The following PAN3 variants were observed in gnomAD, a reference collection of about 807,000 sequenced individuals.
PAN3 encodes poly(A) specific ribonuclease subunit PAN3, also known as PAN2-PAN3 deadenylation complex subunit PAN3.
Under a neutral mutation model 96.2 loss-of-function variants are expected in PAN3, and 19 were observed. The observed-to-expected ratio is 0.20, with a 90% CI of 0.14 to 0.29. The LOEUF is 0.29. Among genes scored for constraint, PAN3 ranks in the 10% least tolerant of loss-of-function variants. PAN3 has a pLI of 1.00. For synonymous variants in PAN3, 433 were observed against 406.6 expected (o/e 1.06, Z -0.78); for missense variants, 882 against 1,108.1 (o/e 0.80, Z 2.90).
chr13:28,268,513 A>G (rs1189889154), intron 12 of PAN3, among the ~76,000 whole-genome samples: 1 of 152,168 alleles, frequency 6.6e-6, no homozygotes, highest in Non-Finnish European at 1.5e-5. Context: ...GATTTTGCAA[A>G]CAACCAGAAT....
chr13:28,211,333 C>G (rs1880006085), intron 5 of PAN3, among the ~76,000 whole-genome samples: 1 of 152,176 alleles, frequency 6.6e-6, no homozygotes. Flanking sequence ...TTGCTGTTGC[C>G]TAGTCACTCC....
chr13:28,234,570 CTCT>C (rs1882903264), intron 6 of PAN3, among the ~76,000 whole-genome samples: 1 of 152,098 alleles, frequency 6.6e-6, no homozygotes, highest in South Asian at 2.1e-4. Flanking sequence ...ATGTGAAAAT[CTCT>C]TAATTGCCTT....
At position 28,280,685 on chromosome 13, in the gene PAN3, C is replaced by T. The variant is rs560485624; in HGVS notation, c.2319+144C>T. The T allele has an allele frequency of 7.1e-6, 5 of 701,436 alleles. No homozygotes were observed. The South Asian group carries it at 9.3e-5, about 13-fold the overall frequency. 43.5% of individuals were successfully genotyped at this position (701,436 alleles called of 1,614,324 possible). On this transcript the variant is annotated intron_variant, in intron 16 of 18. Coordinates refer to ENST00000380958, the MANE Select transcript of PAN3 (RefSeq NM_175854.8). ...CAAGCGAGTCTCCTGCCTCAGCCTC[C>T]CAAGTAGCTGGGATTACAGGTGTAC...
intron 1 of PAN3, among the ~76,000 whole-genome samples, chr13:28,145,383 G>A (rs1355845080): frequency 6.6e-6 from 1 of 152,000 alleles, no homozygotes; most frequent in Non-Finnish European, 1.5e-5. Context: ...GGAGTGCAGT[G>A]GTGTGATCTC....
chr13:28,179,763 A>G (rs1450416143), intron 4 of PAN3, among the ~76,000 whole-genome samples: 2 of 152,094 alleles, frequency 1.3e-5, no homozygotes, highest in Non-Finnish European at 1.5e-5. Context: ...AGTAGAAAGT[A>G]AAACTAGAAT....
chr13:28,202,051 T>C (rs1250381475), intron 5 of PAN3, among the ~76,000 whole-genome samples: 2 of 151,344 alleles, frequency 1.3e-5, no homozygotes, highest in South Asian at 2.1e-4. Flanking sequence ...TTCTACCTCT[T>C]ATTTTTTTTT....
chr13:28,220,657 G>A (rs1352274364), intron 6 of PAN3, among the ~76,000 whole-genome samples: 1 of 152,018 alleles, frequency 6.6e-6, no homozygotes, highest in Non-Finnish European at 1.5e-5. Context: ...CTATCTTTTT[G>A]TATTTCTCTA....
intron 1 of PAN3, among the ~76,000 whole-genome samples, chr13:28,143,887 G>GT (rs1204366295): frequency 3.9e-5 from 6 of 152,158 alleles, no homozygotes; most frequent in Non-Finnish European, 8.8e-5. Flanking sequence ...TGGCAAAGCT[G>GT]TTTTTGTTTA....
chr13:28,161,836 T>C (rs1566147398), intron 1 of PAN3, among the ~76,000 whole-genome samples: 1 of 152,228 alleles, frequency 6.6e-6, no homozygotes, highest in Non-Finnish European at 1.5e-5. Flanking sequence ...GTTCCAGCTC[T>C]TCAAACAGAC....
intron 4 of PAN3, among the ~76,000 whole-genome samples, chr13:28,186,784 C>A (rs896216019): frequency 6.6e-6 from 1 of 151,558 alleles, no homozygotes; most frequent in African/African-American, 2.4e-5. Context: ...TGTGATCGGG[C>A]CACTGTGTTC....
At chr13:28,199,148 T>C (rs994409209) in intron 5 of PAN3, among the ~76,000 whole-genome samples, 1 of 152,158 alleles carries the variant, frequency 6.6e-6, no homozygotes, top group Non-Finnish European at 1.5e-5. Flanking sequence ...AATTAGTTTT[T>C]AGTTTAAAAA....
At chr13:28,261,573 C>A in intron 9 of PAN3, 115 bp downstream of exon 9, 2 of 816,332 alleles carry the variant, frequency 2.4e-6, no homozygotes, top group African/African-American at 1.8e-5. Flanking sequence ...TGGCTCATAC[C>A]TGTAATCCCA....
intron 1 of PAN3, among the ~76,000 whole-genome samples, chr13:28,143,533 G>A (rs80126725): frequency 0.026 from 3,923 of 152,252 alleles, 68 homozygotes; most frequent in Middle Eastern, 0.088. Flanking sequence ...TAGTGAATAA[G>A]ACATGTTTCA....
intron 6 of PAN3, among the ~76,000 whole-genome samples, chr13:28,240,389 T>C (rs991421409): frequency 5.3e-5 from 8 of 152,144 alleles, no homozygotes; most frequent in South Asian, 2.1e-4. Flanking sequence ...TGGGATGACA[T>C]AGAAAATCCC....
chr13:28,239,197 A>G (rs1262865703), intron 6 of PAN3, among the ~76,000 whole-genome samples: 1 of 106,548 alleles, frequency 9.4e-6, no homozygotes, highest in Non-Finnish European at 1.7e-5. Context: ...ACGCATGCAC[A>G]CACGCACACA....
Position 28,216,975 on chromosome 13 carries a change from G to A in PAN3, c.853-3256G>A, listed in dbSNP as rs1204563049. ...CACTAAAAACAAAAATTAGCCGGGT[G>A]CGGTGGCGGGCGCCTGTAATCCCAG... On this transcript the variant is annotated intron_variant, in intron 5 of 18. Coordinates refer to ENST00000380958, the MANE Select transcript of PAN3 (RefSeq NM_175854.8). Among the ~76,000 whole-genome samples the A allele has an allele frequency of 7.9e-5, 12 of 151,950 alleles. No individual in the cohort carries two copies. The East Asian group carries it at 2.3e-3, about 30-fold the overall frequency.
chr13:28,292,080 C>A lies in PAN3; in HGVS notation c.2524-302C>A, dbSNP rs45626741. ...TAAGTAGATGAGTATGTTCATTGCACTGTAATTTATTATGCCAAAAATGGA... is the reference window on the plus strand; with the variant it reads ...TAAGTAGATGAGTATGTTCATTGCAATGTAATTTATTATGCCAAAAATGGA... On this transcript the variant is annotated intron_variant, in intron 18 of 18. Transcript: ENST00000380958. Among the ~76,000 whole-genome samples, 1,097 of 152,122 alleles carry A rather than the reference C, an allele frequency of 7.2e-3. 14 individuals carry two copies. Among genetic ancestry groups the A allele is most frequent in the African/African-American group, 0.026 (1,062 of 41,500 alleles).
At position 28,194,448 on chromosome 13, in the gene PAN3, A is replaced by ATG. The variant is rs1240228686; in HGVS notation, c.691-2735_691-2734dup. Among the ~76,000 whole-genome samples the ATG allele has an allele frequency of 9.0e-3, 1,032 of 114,828 alleles. 5 individuals carry two copies. The highest frequency in any genetic ancestry group is 0.034 in the African/African-American group (871 of 25,716). The allele number at this position is 114,828 out of a possible 152,430, so 75.3% of individuals were successfully genotyped here. ...TGTGTGTATATATACATATATATGT[A>ATG]TGTATATATATATATATATTTTTTT... On this transcript the variant is annotated intron_variant, in intron 4 of 18. Coordinates refer to ENST00000380958, the MANE Select transcript of PAN3 (RefSeq NM_175854.8).
rs763708272 is a variant in PAN3, at chr13:28,138,991, C to T, written c.334C>T (p.Pro112Ser). 2.0e-5 allele frequency: 25 copies of T among 1,273,200 alleles called. No homozygotes were observed. Among genetic ancestry groups the T allele is most frequent in the East Asian group, 3.1e-5 (1 of 31,762 alleles). The allele number at this position is 1,273,200 out of a possible 1,614,324, so 78.9% of individuals were successfully genotyped here. A position where few individuals can be genotyped will look rare whatever the true frequency, so the allele number is the denominator to read the frequency against. ...CGCGGGCGGGGGAGCTGGGCCGCCC[C>T]CCGGGCCCAAGAAGCCGGACCTGGG... is the stretch of plus-strand genomic sequence containing the variant. ...AVAGGGAGPP[P>S]GPKKPDLGDP... The change falls in exon 1 of 19, where the codon CCC becomes TCC. Residue 112 changes from proline (P) to serine (S), a missense_variant. By Grantham distance (74) the Pro-to-Ser change is moderately conservative (BLOSUM62 -1). Coordinates refer to ENST00000380958, the MANE Select transcript of PAN3 (RefSeq NM_175854.8).
Sources: gnomAD v4.1 joint callset for allele counts (sites outside exome capture counted in the v4.1 genomes callset) on GRCh38, gnomAD v4.1.1 for gene constraint, MANE v1.5 for transcripts, NCBI Gene and HGNC (gene_info 2026-07-23, HGNC 2026-07-21) for gene names.